NUP98: variants seen among roughly 807,000 people sequenced by gnomAD.
The protein encoded by NUP98 is nucleoporin 98 and 96 precursor.
A neutral mutation model predicts 191.9 loss-of-function variants in NUP98; 26 were observed. That is an observed-to-expected ratio of 0.14 (90% CI 0.10 to 0.19). NUP98 has a LOEUF of 0.19. Ranked by LOEUF, NUP98 falls within the 10% of genes least tolerant of loss-of-function variation. The probability of loss-of-function intolerance (pLI) is 1.00; values close to 1 mark genes in which losing one functional copy is unlikely to be tolerated. For missense variants in NUP98, 1,941 were observed against 2,178.8 expected (o/e 0.89, Z 2.17); for synonymous variants, 808 against 778.4 (o/e 1.04, Z -0.63).
chr11:3,692,517 C>T (rs1185008885), intron 27 of NUP98, among the ~76,000 whole-genome samples: 1 of 151,966 alleles, frequency 6.6e-6, no homozygotes, highest in Admixed American at 6.6e-5. Context: ...GTCCCAGCTA[C>T]CCGGGAGGCA....
chr11:3,727,113 C>T (rs2079649535), intron 14 of NUP98, among the ~76,000 whole-genome samples: 1 of 152,002 alleles, frequency 6.6e-6, no homozygotes, highest in South Asian at 2.1e-4. Flanking sequence ...AGAGGAAATA[C>T]TCTCCAGTTT....
Position 3,744,590 on chromosome 11 carries a change from G to C in NUP98, c.1327C>G (p.Leu443Val). ...GNNQPKIGGPLGTGAFGAPGF... is the reference protein window; with the variant it reads ...GNNQPKIGGPVGTGAFGAPGF... The stretch of plus-strand genomic sequence containing the variant: ...GGGGCCCCAAAGGCTCCTGTACCAA[G>C]AGGCCCTCCAATCTTAGGTTGGTTG... The change falls in exon 12 of 33, where the codon CTT becomes GTT. Residue 443 changes from leucine (L) to valine (V), a missense_variant. Leu to Val is a conservative substitution (Grantham distance 32, BLOSUM62 1). Around this residue, in one of 6 missense-constraint regions of NUP98, gnomAD observed 453 missense variants for 438.2 expected, o/e 1.03. Coordinates refer to ENST00000324932, the MANE Select transcript of NUP98 (RefSeq NM_016320.5). 1.9e-6 allele frequency: 3 copies of C among 1,613,654 alleles called. No homozygotes were observed. Among genetic ancestry groups the C allele is most frequent in the East Asian group, 4.5e-5 (2 of 44,866 alleles).
At chr11:3,728,400 A>G (rs1295789282) in intron 14 of NUP98, among the ~76,000 whole-genome samples, 1 of 152,234 alleles carries the variant, frequency 6.6e-6, no homozygotes, top group Non-Finnish European at 1.5e-5. Context: ...GACCACTGTG[A>G]TAGCAATGTT....
intron 20 of NUP98, among the ~76,000 whole-genome samples, chr11:3,709,359 T>G (rs932667541): frequency 6.6e-6 from 1 of 152,078 alleles, no homozygotes; most frequent in South Asian, 2.1e-4. Flanking sequence ...GGCAACATAC[T>G]GAGGCCCCAT....
intron 15 of NUP98, among the ~76,000 whole-genome samples, chr11:3,723,695 T>C (rs548200799): frequency 6.6e-6 from 1 of 151,704 alleles, no homozygotes; most frequent in East Asian, 1.9e-4. Context: ...CTGAAAAAAA[T>C]GTTAGATTTT....
At chr11:3,786,484 T>C (rs2082144633) in intron 1 of NUP98, among the ~76,000 whole-genome samples, 1 of 152,154 alleles carries the variant, frequency 6.6e-6, no homozygotes, top group Non-Finnish European at 1.5e-5. Context: ...TTGATATATT[T>C]AAAAAGAAAA....
At chr11:3,750,076 A>C (rs1035157006) in intron 11 of NUP98, among the ~76,000 whole-genome samples, 2 of 152,212 alleles carry the variant, frequency 1.3e-5, no homozygotes, top group African/African-American at 4.8e-5. Flanking sequence ...CAATAGGTGA[A>C]ATGTTAAATA....
rs200470181 is a variant in NUP98 at position 3,702,588 on chromosome 11, A to T, written c.3387T>A (p.Gly1129=). The change falls in exon 23 of 33, where the codon GGT becomes GGA. Residue 1129 remains glycine, a synonymous_variant. Coordinates refer to ENST00000324932, the MANE Select transcript of NUP98 (RefSeq NM_016320.5). ...TAGCAAGAGTCCAGTTGGGGCCCCA[A>T]CCAACACGAAATGAGCGTCCCATGA... The part of the protein sequence containing the change: ...ALFMGRSFRV[G]WGPNWTLANS... 1.2e-6 allele frequency: 2 copies of T among 1,613,906 alleles called. No individual in the cohort carries two copies. The highest frequency in any genetic ancestry group is 2.7e-5 in the African/African-American group (2 of 74,854).
At chr11:3,770,278 G>A (rs1487647160) in intron 7 of NUP98, among the ~76,000 whole-genome samples, 1 of 152,068 alleles carries the variant, frequency 6.6e-6, no homozygotes, top group Non-Finnish European at 1.5e-5. Flanking sequence ...CCTGGGAATT[G>A]GAGGTTGCAC....
At position 3,771,964 on chromosome 11, in the gene NUP98, T is replaced by C. The variant is rs760223251; in HGVS notation, c.604-36A>G. 7 of 1,567,722 alleles carry C rather than the reference T, an allele frequency of 4.5e-6. No homozygotes were observed. The Admixed American group carries it at 1.2e-4, about 27-fold the overall frequency. On this transcript the variant is annotated intron_variant, in intron 6 of 32. Coordinates refer to ENST00000324932, the MANE Select transcript of NUP98 (RefSeq NM_016320.5). The stretch of plus-strand genomic sequence containing the variant: ...GGAAAACATATTTCTAATCTTAACA[T>C]GCAGCTAAAAATAATTATTTAGGAG...
chr11:3,776,134 T>C, intron 4 of NUP98, 113 bp from the exon 5 acceptor site: 1 of 805,608 alleles, frequency 1.2e-6, no homozygotes, highest in Non-Finnish European at 2.0e-6. Context: ...TTTTTTTTTT[T>C]TTTTTGAGAC....
At chr11:3,741,029 C>T (rs2080265388) in intron 12 of NUP98, among the ~76,000 whole-genome samples, 1 of 151,498 alleles carries the variant, frequency 6.6e-6, no homozygotes, top group African/African-American at 2.4e-5. Flanking sequence ...GCCATGTTGG[C>T]CAGGCTGGTC....
chr11:3,761,946 AAACAAC>A (rs530717846), intron 9 of NUP98, among the ~76,000 whole-genome samples: 23 of 151,802 alleles, frequency 1.5e-4, no homozygotes, highest in African/African-American at 4.1e-4. Flanking sequence ...TCGGTTTCAA[AAACAAC>A]AACAACAACA....
intron 27 of NUP98, among the ~76,000 whole-genome samples, chr11:3,692,370 G>T (rs1335763645): frequency 1.3e-5 from 2 of 151,598 alleles, no homozygotes; most frequent in African/African-American, 4.8e-5. Context: ...GCTCATGCCT[G>T]TAATCCTAGC....
rs567286856 is a variant in NUP98 at position 3,762,869 on chromosome 11, A to G, written c.1086+33T>C. 32 of 1,605,252 alleles carry G rather than the reference A, an allele frequency of 2.0e-5. No homozygotes were observed. The East Asian group carries it at 6.9e-4, about 35-fold the overall frequency. The stretch of plus-strand genomic sequence containing the variant: ...AATTCCTTTTAACAAATTTACACAC[A>G]TCTTCAAATTACAGTCAACTGCAGA... On this transcript the variant is annotated intron_variant, in intron 9 of 32. Coordinates refer to ENST00000324932, the MANE Select transcript of NUP98 (RefSeq NM_016320.5).
At chr11:3,690,581 T>G (rs978116124) in intron 28 of NUP98, among the ~76,000 whole-genome samples, 2 of 152,138 alleles carry the variant, frequency 1.3e-5, no homozygotes, top group Non-Finnish European at 2.9e-5. Context: ...TTAATAAACA[T>G]GTACACACAG....
chr11:3,700,719 G>A lies in NUP98; in HGVS notation c.3633C>T (p.Val1211=). ...TGAGAGGACACAGTTCATCCACATGGACAGTGCTGTGTTTTAATTTGAGCT... is the reference window on the plus strand; with the variant it reads ...TGAGAGGACACAGTTCATCCACATGAACAGTGCTGTGTTTTAATTTGAGCT... ...PLELKLKHST[V]HVDELCPLIV... is the part of the protein sequence containing the mutation. Residue 1211 remains valine (V), a synonymous_variant, in exon 24 of 33, where the codon GTC becomes GTT. Transcript: ENST00000324932. 1 of 1,614,000 alleles carries A rather than the reference G, an allele frequency of 6.2e-7. No individual in the cohort carries two copies. The highest frequency in any genetic ancestry group is 1.1e-5 in the South Asian group (1 of 91,076).
chr11:3,788,406 C>T (rs1333183869), intron 1 of NUP98, among the ~76,000 whole-genome samples: 1 of 152,098 alleles, frequency 6.6e-6, no homozygotes, highest in Non-Finnish European at 1.5e-5. Context: ...AGTTCGAGCC[C>T]AGCCTGGCCT....
chr11:3,719,885 A>G (rs2079328858), intron 17 of NUP98, among the ~76,000 whole-genome samples: 1 of 150,398 alleles, frequency 6.6e-6, no homozygotes, highest in African/African-American at 2.5e-5. Flanking sequence ...TCACCCTCCC[A>G]AGTAGCTGAG....
Sources: allele counts gnomAD v4.1 joint callset (sites outside exome capture counted in the v4.1 genomes callset), GRCh38; gene constraint gnomAD v4.1.1; regional missense constraint gnomAD v4.1.1; transcripts MANE v1.5; gene names NCBI Gene and HGNC (gene_info 2026-07-23, HGNC 2026-07-21).